Variants in NLRC5 observed in about 807,000 individuals in gnomAD.
NLRC5 encodes the protein NLR family CARD domain containing 5, also known as protein NLRC5.
Under a neutral mutation model 206.9 loss-of-function variants are expected in NLRC5, and 114 were observed. That is an observed-to-expected ratio of 0.55 (90% CI 0.47 to 0.64). NLRC5 has a LOEUF of 0.64. Ranked by LOEUF, NLRC5 falls within the 30% of genes least tolerant of loss-of-function variation. The probability of loss-of-function intolerance (pLI) is 0.00; values close to 1 mark genes in which losing one functional copy is unlikely to be tolerated. For missense variants in NLRC5, 2,008 were observed against 2,305.5 expected (o/e 0.87, Z 2.64); for synonymous variants, 952 against 962.8 (o/e 0.99, Z 0.21).
intron 38 of NLRC5, 27 bp from the exon 39 acceptor site, chr16:57,074,573 A>G: frequency 6.2e-7 from 1 of 1,608,378 alleles, no homozygotes; most frequent in Non-Finnish European, 8.5e-7. Context: ...CCCAGATGTC[A>G]AGTTCACCTG....
At chr16:57,023,672 G>A (rs1218385171) in intron 4 of NLRC5, 113 bp from the exon 5 acceptor site, 3 of 778,564 alleles carry the variant, frequency 3.9e-6, no homozygotes, top group South Asian at 3.4e-5. Context: ...GCATGTGGGT[G>A]TACTTGGCTG....
chr16:57,029,871 C>T lies in NLRC5; in HGVS notation c.2327+15C>T. The T allele has an allele frequency of 1.2e-6, 2 of 1,613,016 alleles. No homozygotes were observed. The highest frequency in any genetic ancestry group is 1.7e-6 in the Non-Finnish European group (2 of 1,178,966). ...CGGAAGCTTGAGTAAGTGATCTTTC[C>T]ACTGCCTCTGCAGCCCAGTCCCTCT... is the stretch of plus-strand genomic sequence containing the variant. On this transcript the variant is annotated intron_variant, in intron 9 of 48. Coordinates refer to ENST00000688547, the MANE Select transcript of NLRC5 (RefSeq NM_001384950.1).
At chr16:57,065,647 A>G (rs1204132865) in intron 33 of NLRC5, among the ~76,000 whole-genome samples, 1 of 152,216 alleles carries the variant, frequency 6.6e-6, no homozygotes, top group African/African-American at 2.4e-5. Context: ...AATGACACAC[A>G]GAGTAGCTTA....
intron 30 of NLRC5, among the ~76,000 whole-genome samples, chr16:57,059,837 T>C (rs2066189542): frequency 6.6e-6 from 1 of 152,110 alleles, no homozygotes; most frequent in Admixed American, 6.5e-5. Flanking sequence ...CGGTTAAAGA[T>C]TTTGAAGCCA....
chr16:57,070,378 T>C (rs2067500885), intron 37 of NLRC5, among the ~76,000 whole-genome samples, 157 bp from the exon 38 acceptor site: 1 of 152,086 alleles, frequency 6.6e-6, no homozygotes. Flanking sequence ...GAGCTAGGGA[T>C]ACCCATGGGG....
At chr16:57,066,678 C>T in intron 34 of NLRC5, 64 bp downstream of exon 34, 1 of 1,409,266 alleles carries the variant, frequency 7.1e-7, no homozygotes, top group East Asian at 2.3e-5. Context: ...AGGGCTGCTT[C>T]TGACCAATAT....
At chr16:57,050,142 T>C (rs2064673737) in intron 23 of NLRC5, among the ~76,000 whole-genome samples, 1 of 151,720 alleles carries the variant, frequency 6.6e-6, no homozygotes. Flanking sequence ...TCACCTCCTT[T>C]GCCAACCAGA....
Position 57,041,895 on chromosome 16 carries a change from G to T in NLRC5, c.3030-87G>T, listed in dbSNP as rs542519829. ...CCAGGGCTGTGTCCAGTTTCAGGAA[G>T]TTGAGTAACTGGAATGCAGGGACCA... On this transcript the variant is annotated intron_variant, in intron 18 of 48. Transcript: ENST00000688547. 7.0e-5 allele frequency: 62 copies of T among 888,278 alleles called. No homozygotes were observed. The African/African-American group carries it at 9.7e-4, about 14-fold the overall frequency. 55.0% of individuals were successfully genotyped at this position (888,278 alleles called of 1,614,324 possible).
At chr16:57,043,825 T>A in intron 20 of NLRC5, 1 of 590,782 alleles carries the variant, frequency 1.7e-6, no homozygotes, top group Non-Finnish European at 3.0e-6. Context: ...TTTCTCCAAA[T>A]TCACCATTAG....
rs762986451 is a variant in NLRC5, at chr16:57,074,659, A to G, written c.4727A>G (p.Gln1576Arg). ...TLALLTHRLS[Q>R]MTCLQSLRLN... Reference sequence around the variant, plus strand: ...GCCTTGCTTACTCACAGACTAAGCCAGATGACCTGCCTGCAGAGCCTCAGG... The same window carrying G: ...GCCTTGCTTACTCACAGACTAAGCCGGATGACCTGCCTGCAGAGCCTCAGG... Residue 1576 changes from glutamine (Q) to arginine (R), a missense_variant, in exon 39 of 49, where the codon CAG becomes CGG. Transcript: ENST00000688547. 3 of 1,613,844 alleles carry G rather than the reference A, an allele frequency of 1.9e-6. No individual in the cohort carries two copies. The highest frequency in any genetic ancestry group is 2.5e-6 in the Non-Finnish European group (3 of 1,179,854).
At chr16:57,072,128 A>G (rs708271) in intron 38 of NLRC5, among the ~76,000 whole-genome samples, 100,391 of 151,960 alleles carry the variant, frequency 0.66, 33,244 homozygotes, top group South Asian at 0.71. Flanking sequence ...CAGGGGTTCT[A>G]TATTTGTCAG....
chr16:57,014,311 C>T (rs1454534289), intron 1 of NLRC5, among the ~76,000 whole-genome samples: 3 of 152,114 alleles, frequency 2.0e-5, no homozygotes, highest in Admixed American at 1.3e-4. Flanking sequence ...CTATTCCATC[C>T]CTTTGGCCAA....
intron 33 of NLRC5, 74 bp from the exon 34 acceptor site, chr16:57,066,460 G>A (rs1407222372): frequency 2.3e-5 from 30 of 1,303,638 alleles, no homozygotes; most frequent in East Asian, 4.7e-5. Context: ...AGTTGGAGCC[G>A]GGCAGCCCAG....
chr16:57,012,660 C>T (rs1036540265), intron 1 of NLRC5, among the ~76,000 whole-genome samples: 5 of 152,294 alleles, frequency 3.3e-5, no homozygotes, highest in Admixed American at 6.5e-5. Flanking sequence ...ATGTAATGAG[C>T]TTGAATCATC....
intron 39 of NLRC5, among the ~76,000 whole-genome samples, chr16:57,075,603 A>T (rs1266751001): frequency 6.6e-6 from 1 of 152,034 alleles, no homozygotes; most frequent in East Asian, 1.9e-4. Context: ...GTGGGTCTAG[A>T]CTCAGATGGG....
chr16:57,027,163 T>G, intron 6 of NLRC5, 145 bp downstream of exon 6: 1 of 998,494 alleles, frequency 1.0e-6, no homozygotes, highest in South Asian at 1.7e-5. Flanking sequence ...GAGAGGAAGC[T>G]CCATACCTTG....
At chr16:56,989,695 T>C (rs1044876059) in intron 1 of NLRC5, 78 bp downstream of exon 1, 13 of 152,390 alleles carry the variant, frequency 8.5e-5, no homozygotes, top group Non-Finnish European at 1.9e-4. Flanking sequence ...GTTCGAATTC[T>C]GCACGGAGAG....
intron 1 of NLRC5, among the ~76,000 whole-genome samples, chr16:56,993,134 C>CACGTATATATGTGTATATATCT (rs1445203454): frequency 1.2e-5 from 1 of 81,802 alleles, no homozygotes; most frequent in African/African-American, 3.6e-5. Context: ...TATATATATA[C>CACGTATATATGTGTATATATCT]ACACACACAC....
intron 6 of NLRC5, 152 bp from the exon 7 acceptor site, chr16:57,027,920 A>T (rs1350586710): frequency 1.8e-6 from 1 of 548,334 alleles, no homozygotes; most frequent in African/African-American, 1.9e-5. Flanking sequence ...GATGAAGTGG[A>T]GAATGGGCTT....
Sources: allele counts gnomAD v4.1 joint callset (sites outside exome capture counted in the v4.1 genomes callset), GRCh38; gene constraint gnomAD v4.1.1; transcripts MANE v1.5; gene names NCBI Gene and HGNC (gene_info 2026-07-23, HGNC 2026-07-21).